PXDNL: variants seen among roughly 807,000 people sequenced by gnomAD.
PXDNL encodes the protein probable oxidoreductase PXDNL.
In PXDNL, 145 loss-of-function variants were observed where a neutral mutation model predicts 150.8. That is an observed-to-expected ratio of 0.96 (90% CI 0.84 to 1.10). PXDNL has a LOEUF of 1.10. PXDNL is among the 50% of genes least tolerant of loss of function. The probability of loss-of-function intolerance (pLI) is 0.00; values close to 1 mark genes in which losing one functional copy is unlikely to be tolerated. For missense variants in PXDNL, 2,087 were observed against 1,873.9 expected (o/e 1.11, Z -2.10); for synonymous variants, 757 against 725.7 (o/e 1.04, Z -0.69).
chr8:51,382,821 C>T (rs1012692149), intron 17 of PXDNL, among the ~76,000 whole-genome samples: 1 of 152,006 alleles, frequency 6.6e-6, no homozygotes, highest in African/African-American at 2.4e-5. Flanking sequence ...CTATAAGAGT[C>T]CAGAAAAAAA....
At chr8:51,768,144 C>T (rs186729656) in intron 1 of PXDNL, among the ~76,000 whole-genome samples, 16 of 152,248 alleles carry the variant, frequency 1.1e-4, no homozygotes, top group South Asian at 2.1e-4. Flanking sequence ...ACAAAGCTCA[C>T]GATTCTTACT....
chr8:51,634,725 AT>A (rs1445706624), intron 2 of PXDNL, among the ~76,000 whole-genome samples: 1 of 151,458 alleles, frequency 6.6e-6, no homozygotes, highest in Non-Finnish European at 1.5e-5. Context: ...TACATATTTT[AT>A]TTTTTTGTGG....
At chr8:51,677,616 T>C (rs914440563) in intron 1 of PXDNL, among the ~76,000 whole-genome samples, 4 of 152,284 alleles carry the variant, frequency 2.6e-5, no homozygotes, top group Non-Finnish European at 5.9e-5. Flanking sequence ...AAGTTAAAAA[T>C]AAATGAGTAA....
At chr8:51,659,142 T>C (rs868757821) in intron 1 of PXDNL, among the ~76,000 whole-genome samples, 1 of 152,248 alleles carries the variant, frequency 6.6e-6, no homozygotes, top group Non-Finnish European at 1.5e-5. Flanking sequence ...TAAGTTATTA[T>C]ATCTCCTTCA....
At chr8:51,725,224 T>A (rs1444063769) in intron 1 of PXDNL, among the ~76,000 whole-genome samples, 2 of 152,174 alleles carry the variant, frequency 1.3e-5, no homozygotes, top group Non-Finnish European at 2.9e-5. Context: ...TTGTTGACAA[T>A]CAATAGCCCC....
intron 21 of PXDNL, among the ~76,000 whole-genome samples, chr8:51,330,755 T>C (rs1254826404): frequency 6.6e-6 from 1 of 152,208 alleles, no homozygotes; most frequent in East Asian, 1.9e-4. Context: ...CTTTCTCACA[T>C]GCAAAATAAT....
Position 51,374,705 on chromosome 8 carries a change from T to C in PXDNL, c.3584A>G (p.Asp1195Gly). The change falls in exon 18 of 23, where the codon GAC becomes GGC. Residue 1195 changes from aspartate to glycine, a missense_variant. Physicochemically the swap from Asp to Gly is moderately conservative, Grantham distance 94. Coordinates refer to ENST00000356297, the MANE Select transcript of PXDNL (RefSeq NM_144651.5). ...RKLYGSPGDI[D>G]LWPALMVEDL... ...TTCAACCATAAGGGCGGGCCAGAGG[T>C]CAATGTCACCTGGAGAGCCGTACAA... is the stretch of plus-strand genomic sequence containing the variant. 2 of 1,613,786 alleles carry C rather than the reference T, an allele frequency of 1.2e-6. No individual in the cohort carries two copies. Among genetic ancestry groups the C allele is most frequent in the Non-Finnish European group, 1.7e-6 (2 of 1,179,842 alleles).
intron 19 of PXDNL, among the ~76,000 whole-genome samples, chr8:51,353,610 G>A (rs562071692): frequency 6.6e-6 from 1 of 152,194 alleles, no homozygotes; most frequent in South Asian, 2.1e-4. Flanking sequence ...GGGAATTTTA[G>A]TGTTCCTAGT....
At chr8:51,327,155 C>G (rs920893191) in intron 21 of PXDNL, among the ~76,000 whole-genome samples, 1 of 152,190 alleles carries the variant, frequency 6.6e-6, no homozygotes, top group Non-Finnish European at 1.5e-5. Flanking sequence ...AGGACAGACA[C>G]AGCTGAACCC....
At chr8:51,678,478 C>T (rs558608640) in intron 1 of PXDNL, among the ~76,000 whole-genome samples, 1 of 151,942 alleles carries the variant, frequency 6.6e-6, no homozygotes, top group African/African-American at 2.4e-5. Flanking sequence ...AGATGTCCAA[C>T]AATGATAGAC....
At chr8:51,618,796 C>T (rs1425800019) in intron 2 of PXDNL, among the ~76,000 whole-genome samples, 3 of 152,208 alleles carry the variant, frequency 2.0e-5, no homozygotes, top group African/African-American at 7.2e-5. Context: ...CATAATAACA[C>T]CTTCCTTCCC....
intron 3 of PXDNL, among the ~76,000 whole-genome samples, chr8:51,580,139 C>A (rs1455345601): frequency 6.6e-6 from 1 of 151,848 alleles, no homozygotes; most frequent in African/African-American, 2.4e-5. Context: ...CTGGTAGTTG[C>A]CAGGATTTGA....
chr8:51,486,248 A>G (rs1255701715), intron 5 of PXDNL, among the ~76,000 whole-genome samples: 1 of 152,218 alleles, frequency 6.6e-6, no homozygotes, highest in Admixed American at 6.5e-5. Context: ...CCATCATCAC[A>G]GATTTTGAAG....
rs543719788 is a variant in PXDNL, at chr8:51,597,777, C to T, written c.237-5079G>A. ...TTGCCCAGGCTGGAGTACAATGGTG[C>T]GATCATAGCTCACCGCAACCTCCGC... is the stretch of plus-strand genomic sequence containing the variant. On this transcript the variant is annotated intron_variant, in intron 2 of 22. Transcript: ENST00000356297. Among the ~76,000 whole-genome samples the T allele has an allele frequency of 1.8e-3, 272 of 150,538 alleles. 2 individuals carry two copies. Among genetic ancestry groups the T allele is most frequent in the African/African-American group, 6.0e-3 (244 of 40,814 alleles).
At chr8:51,568,821 G>A (rs1464450444) in intron 3 of PXDNL, among the ~76,000 whole-genome samples, 3 of 151,170 alleles carry the variant, frequency 2.0e-5, no homozygotes, top group South Asian at 2.1e-4. Context: ...TTCAGTTTAC[G>A]AGGCCTCTAT....
chr8:51,384,420 A>G (rs1349112114), intron 17 of PXDNL, among the ~76,000 whole-genome samples: 1 of 152,174 alleles, frequency 6.6e-6, no homozygotes, highest in East Asian at 1.9e-4. Context: ...TAACAACACC[A>G]GACAGAAAAA....
chr8:51,483,528 A>C, intron 6 of PXDNL, 115 bp downstream of exon 6: 1 of 696,108 alleles, frequency 1.4e-6, no homozygotes, highest in Non-Finnish European at 2.6e-6. Context: ...CTAACATGCT[A>C]GAATTGCAAT....
intron 1 of PXDNL, among the ~76,000 whole-genome samples, chr8:51,744,675 C>CAAAA (rs34751949): frequency 3.6e-4 from 14 of 38,820 alleles, no homozygotes; most frequent in South Asian, 2.2e-3. Flanking sequence ...GACTCCATCT[C>CAAAA]AAAAAAAAAA....
At chr8:51,390,301 T>G (rs747521691) in intron 17 of PXDNL, among the ~76,000 whole-genome samples, 1 of 152,214 alleles carries the variant, frequency 6.6e-6, no homozygotes, top group Non-Finnish European at 1.5e-5. Context: ...TAGAGCCATT[T>G]AAAAGCATTC....
Sources: gnomAD v4.1 joint callset for allele counts (sites outside exome capture counted in the v4.1 genomes callset) on GRCh38, gnomAD v4.1.1 for gene constraint, MANE v1.5 for transcripts, NCBI Gene and HGNC (gene_info 2026-07-23, HGNC 2026-07-21) for gene names.